Variants in CAMKMT observed in about 807,000 individuals in gnomAD.
The protein encoded by CAMKMT is calmodulin-lysine N-methyltransferase, also known as CaM KMT.
CAMKMT carries 53 observed loss-of-function variants against 48.0 expected under a neutral mutation model. The ratio of observed to expected loss-of-function variants is 1.10; its 90% CI spans 0.89 to 1.39. CAMKMT has a LOEUF of 1.39. Among genes scored for constraint, CAMKMT ranks in the 40% most tolerant of loss-of-function variants. CAMKMT has a pLI of 0.00. For missense variants in CAMKMT, 428 were observed against 402.7 expected (o/e 1.06, Z -0.54); for synonymous variants, 165 against 152.3 (o/e 1.08, Z -0.61).
chr2:44,434,723 A>G (rs1299292557), intron 3 of CAMKMT, among the ~76,000 whole-genome samples: 1 of 152,144 alleles, frequency 6.6e-6, no homozygotes, highest in East Asian at 1.9e-4. Flanking sequence ...AGATGCTGTA[A>G]ATTCCTCTGA....
chr2:44,383,352 A>G (rs948158967), intron 2 of CAMKMT, among the ~76,000 whole-genome samples: 3 of 151,856 alleles, frequency 2.0e-5, no homozygotes, highest in Admixed American at 2.0e-4. Context: ...TTTATTAGAG[A>G]TGAGGTTTCA....
intron 1 of CAMKMT, among the ~76,000 whole-genome samples, chr2:44,367,334 A>G (rs1234645364): frequency 6.6e-6 from 1 of 152,258 alleles, no homozygotes; most frequent in Admixed American, 6.5e-5. Context: ...GAGAGCCGAC[A>G]TGTTGCCACG....
intron 3 of CAMKMT, among the ~76,000 whole-genome samples, chr2:44,455,424 A>C (rs1046301741): frequency 1.3e-5 from 2 of 152,164 alleles, no homozygotes; most frequent in African/African-American, 4.8e-5. Flanking sequence ...GATACACTGT[A>C]AGGGCTTCAG....
chr2:44,428,065 C>T (rs879559386), intron 3 of CAMKMT, among the ~76,000 whole-genome samples: 1 of 152,204 alleles, frequency 6.6e-6, no homozygotes, highest in East Asian at 1.9e-4. Context: ...CATTTGCCTT[C>T]TACTGTTGGC....
chr2:44,688,217 A>G (rs969039007), intron 3 of CAMKMT, among the ~76,000 whole-genome samples: 3 of 152,228 alleles, frequency 2.0e-5, no homozygotes, highest in African/African-American at 7.2e-5. Context: ...GTTAAAGACA[A>G]TCATACAAGT....
chr2:44,364,122 T>C (rs942717331), intron 1 of CAMKMT, among the ~76,000 whole-genome samples: 16 of 149,874 alleles, frequency 1.1e-4, no homozygotes, highest in African/African-American at 3.7e-4. Flanking sequence ...TAGTTGGAAT[T>C]ACAGGGGTAT....
At chr2:44,680,192 G>C (rs17032525) in intron 3 of CAMKMT, among the ~76,000 whole-genome samples, 1 of 152,002 alleles carries the variant, frequency 6.6e-6, no homozygotes, top group African/African-American at 2.4e-5. Flanking sequence ...AATGATTGTG[G>C]TAGTTCCCTC....
At chr2:44,403,669 C>G (rs969688300) in intron 3 of CAMKMT, among the ~76,000 whole-genome samples, 6 of 152,114 alleles carry the variant, frequency 3.9e-5, no homozygotes, top group African/African-American at 1.4e-4. Flanking sequence ...TAGGTAGATT[C>G]ACTCTAACAT....
chr2:44,544,669 A>T (rs902122700), intron 3 of CAMKMT, among the ~76,000 whole-genome samples: 4 of 152,214 alleles, frequency 2.6e-5, no homozygotes, highest in Non-Finnish European at 5.9e-5. Flanking sequence ...GAGGAAAAAT[A>T]TCAATCTTTA....
chr2:44,450,917 G>C, intron 3 of CAMKMT, among the ~76,000 whole-genome samples: 1 of 151,890 alleles, frequency 6.6e-6, no homozygotes, highest in East Asian at 1.9e-4. Context: ...AATGTGCTTT[G>C]CCTATTGTTT....
At chr2:44,493,069 A>AT (rs996613565) in intron 3 of CAMKMT, among the ~76,000 whole-genome samples, 20 of 151,038 alleles carry the variant, frequency 1.3e-4, no homozygotes, top group South Asian at 6.3e-4. Context: ...AATTTTTGTA[A>AT]TTTTTTTAGC....
At chr2:44,755,158 G>A (rs1380826002) in intron 9 of CAMKMT, among the ~76,000 whole-genome samples, 1 of 152,034 alleles carries the variant, frequency 6.6e-6, no homozygotes, top group African/African-American at 2.4e-5. Flanking sequence ...TCTCTATGTA[G>A]CTCAGAAACT....
At chr2:44,742,751 G>A (rs915367286) in intron 7 of CAMKMT, among the ~76,000 whole-genome samples, 1 of 152,028 alleles carries the variant, frequency 6.6e-6, no homozygotes, top group Non-Finnish European at 1.5e-5. Flanking sequence ...TTTCACCTAG[G>A]GAAGATATAG....
intron 1 of CAMKMT, among the ~76,000 whole-genome samples, chr2:44,366,420 C>G (rs1174974467): frequency 6.6e-6 from 1 of 152,120 alleles, no homozygotes; most frequent in Non-Finnish European, 1.5e-5. Flanking sequence ...CACCTTTATT[C>G]TTGACTTTGT....
chr2:44,382,318 A>C (rs140279166), intron 2 of CAMKMT, among the ~76,000 whole-genome samples: 2 of 152,084 alleles, frequency 1.3e-5, no homozygotes, highest in Admixed American at 1.3e-4. Flanking sequence ...AAATAACCTC[A>C]TCTCTACCTA....
chr2:44,491,502 A>C (rs1669504163), intron 3 of CAMKMT, among the ~76,000 whole-genome samples: 1 of 152,226 alleles, frequency 6.6e-6, no homozygotes, highest in African/African-American at 2.4e-5. Context: ...TACCGAAAAC[A>C]GGGTTACAAA....
intron 3 of CAMKMT, among the ~76,000 whole-genome samples, chr2:44,499,642 A>G (rs1377679247): frequency 6.6e-6 from 1 of 152,216 alleles, no homozygotes; most frequent in East Asian, 1.9e-4. Flanking sequence ...TTGTCCTGTG[A>G]CAAGCCTGGT....
chr2:44,389,605 T>C (rs1416231009), intron 2 of CAMKMT, among the ~76,000 whole-genome samples: 1 of 152,144 alleles, frequency 6.6e-6, no homozygotes, highest in Non-Finnish European at 1.5e-5. Flanking sequence ...TATTGCACAA[T>C]TGAGTCTATT....
chr2:44,706,808 T>C (rs1279551916), intron 5 of CAMKMT, among the ~76,000 whole-genome samples: 1 of 152,072 alleles, frequency 6.6e-6, no homozygotes, highest in Non-Finnish European at 1.5e-5. Flanking sequence ...TTCCCCATTC[T>C]CTGGGTTCTG....
Sources: gnomAD v4.1 joint callset for allele counts (sites outside exome capture counted in the v4.1 genomes callset) on GRCh38, gnomAD v4.1.1 for gene constraint, MANE v1.5 for transcripts, NCBI Gene and HGNC (gene_info 2026-07-23, HGNC 2026-07-21) for gene names.